The following SPTLC2 variants were observed in gnomAD, a reference collection of about 807,000 sequenced individuals.
SPTLC2 encodes the protein serine palmitoyltransferase long chain base subunit 2, also known as serine palmitoyltransferase 2.
Under a neutral mutation model 62.0 loss-of-function variants are expected in SPTLC2, and 21 were observed. The ratio of observed to expected loss-of-function variants is 0.34; its 90% CI spans 0.24 to 0.49. The LOEUF is 0.49. Among genes scored for constraint, SPTLC2 ranks in the 20% least tolerant of loss-of-function variants. The pLI, the probability that SPTLC2 is intolerant of heterozygous loss-of-function variation, is 0.99. For missense variants in SPTLC2, 511 were observed against 713.0 expected, an observed-to-expected ratio of 0.72 and a Z score of 3.23; for synonymous variants, 261 against 261.8, an observed-to-expected ratio of 1.00 and a Z score of 0.03.
chr14:77,534,019 GTGGTGACGCACGCC>G (rs2079454729), intron 9 of SPTLC2, among the ~76,000 whole-genome samples: 1 of 152,066 alleles, frequency 6.6e-6, no homozygotes, highest in Non-Finnish European at 1.5e-5. Context: ...ATTACCAGGT[GTGGTGACGCACGCC>G]TGTGGTCCCA....
In SPTLC2 at chr14:77,600,856, A is replaced by C. The variant is rs572689573; in HGVS notation, c.133-3476T>G. Among the ~76,000 whole-genome samples the C allele has an allele frequency of 3.3e-5, 5 of 152,282 alleles. No individual in the cohort carries two copies. The East Asian group carries it at 9.7e-4, about 29-fold the overall frequency. ...CATAAAACACATTACAGAACAAGAG[A>C]AGGAAAAAAAATCAATCTAATGGGC... On this transcript the variant is annotated intron_variant, in intron 1 of 11. Coordinates refer to ENST00000216484, the MANE Select transcript of SPTLC2 (RefSeq NM_004863.4).
chr14:77,616,575 C>A lies in SPTLC2; in HGVS notation c.5G>T (p.Arg2Leu). 1 of 1,538,414 alleles carries A rather than the reference C, an allele frequency of 6.5e-7. No individual in the cohort carries two copies. ...GCAGCAGCAGCCTCCGGGCTCCGGC[C>A]GCATCTTCCTGGCAGCACCAGGCGC... The part of the protein sequence containing the change: M[R>L]PEPGGCCCRR... The change falls in exon 1 of 12, where the codon CGG becomes CTG. Residue 2 changes from arginine (R) to leucine (L), a missense_variant. Physicochemically the swap from Arg to Leu is moderately radical, Grantham distance 102. Transcript: ENST00000216484.
chr14:77,564,580 C>T (rs1026772770), intron 5 of SPTLC2, among the ~76,000 whole-genome samples: 1 of 151,856 alleles, frequency 6.6e-6, no homozygotes, highest in African/African-American at 2.4e-5. Context: ...TTCTAAATAT[C>T]ATTCTCCAAA....
intron 5 of SPTLC2, among the ~76,000 whole-genome samples, chr14:77,569,054 T>G (rs2140032670): frequency 6.6e-6 from 1 of 152,292 alleles, no homozygotes; most frequent in African/African-American, 2.4e-5. Context: ...ATAAATGGGA[T>G]AAGCACCTAC....
chr14:77,546,498 A>G (rs897585841), intron 9 of SPTLC2, among the ~76,000 whole-genome samples: 2 of 152,158 alleles, frequency 1.3e-5, no homozygotes, highest in Non-Finnish European at 2.9e-5. Flanking sequence ...GGAGTGAGTG[A>G]AGGAGGAGGT....
intron 1 of SPTLC2, among the ~76,000 whole-genome samples, chr14:77,605,966 GC>G (rs2079902669): frequency 6.6e-6 from 1 of 152,202 alleles, no homozygotes; most frequent in Admixed American, 6.5e-5. Flanking sequence ...CATTGTATCT[GC>G]CTAAGACTGC....
At chr14:77,586,411 C>T (rs2079781869) in intron 2 of SPTLC2, among the ~76,000 whole-genome samples, 1 of 152,112 alleles carries the variant, frequency 6.6e-6, no homozygotes, top group Non-Finnish European at 1.5e-5. Flanking sequence ...TATAGACTTT[C>T]CATGTGACCC....
intron 6 of SPTLC2, among the ~76,000 whole-genome samples, chr14:77,559,866 G>C (rs1422066641): frequency 6.6e-6 from 1 of 152,078 alleles, no homozygotes; most frequent in Non-Finnish European, 1.5e-5. Flanking sequence ...ACTCCAGCCT[G>C]GGTGATGCAG....
chr14:77,534,214 A>G lies in SPTLC2; in HGVS notation c.1304-12633T>C, dbSNP rs56285762. 1.9e-4 allele frequency among the ~76,000 whole-genome samples: 27 copies of G among 139,476 alleles called. 1 individual carries two copies. Among genetic ancestry groups the G allele is most frequent in the Non-Finnish European group, 1.6e-5 (1 of 62,974 alleles). The allele number at this position is 139,476 out of a possible 152,430, so 91.5% of individuals were successfully genotyped here. On this transcript the variant is annotated intron_variant, in intron 9 of 11. Transcript: ENST00000216484. ...CACACACACACACACACACACACAC[A>G]CACACAAATGCATATCTATAAAAAG...
intron 11 of SPTLC2, 120 bp from the exon 12 acceptor site, chr14:77,512,523 G>T: frequency 6.8e-7 from 1 of 1,460,342 alleles, no homozygotes; most frequent in Non-Finnish European, 9.5e-7. Context: ...CTTATGTCTA[G>T]TGCATTTACA....
At chr14:77,613,033 A>T (rs1331402259) in intron 1 of SPTLC2, among the ~76,000 whole-genome samples, 1 of 151,536 alleles carries the variant, frequency 6.6e-6, no homozygotes, top group Admixed American at 6.6e-5. Context: ...AAGCTCTTTT[A>T]AAAAGAGCTG....
At chr14:77,601,390 G>A (rs370612569) in intron 1 of SPTLC2, among the ~76,000 whole-genome samples, 7 of 152,048 alleles carry the variant, frequency 4.6e-5, no homozygotes, top group Admixed American at 2.0e-4. Flanking sequence ...AGATCCACCC[G>A]CTGCCTGCAA....
intron 9 of SPTLC2, 106 bp from the exon 10 acceptor site, chr14:77,521,687 G>A (rs138721344): frequency 2.6e-4 from 275 of 1,048,738 alleles, no homozygotes; most frequent in East Asian, 4.6e-4. Context: ...GTTCTGTTTC[G>A]TTTTTTTCCA....
intron 5 of SPTLC2, among the ~76,000 whole-genome samples, chr14:77,566,664 G>A (rs1160622123): frequency 6.6e-6 from 1 of 152,154 alleles, no homozygotes; most frequent in African/African-American, 2.4e-5. Flanking sequence ...GTTTCACCGT[G>A]TTAGCCAGGA....
At chr14:77,552,482 C>A (rs1187433204) in intron 8 of SPTLC2, among the ~76,000 whole-genome samples, 6 of 152,002 alleles carry the variant, frequency 3.9e-5, no homozygotes, top group Non-Finnish European at 7.4e-5. Flanking sequence ...TTAAAACAAC[C>A]CCTCTAAATT....
intron 1 of SPTLC2, among the ~76,000 whole-genome samples, chr14:77,614,298 T>C (rs1191605460): frequency 7.2e-5 from 11 of 152,224 alleles, no homozygotes; most frequent in Non-Finnish European, 1.6e-4. Flanking sequence ...CTCATAGGGA[T>C]TGAAAGAAGC....
At chr14:77,525,324 G>A (rs1276556363) in intron 9 of SPTLC2, among the ~76,000 whole-genome samples, 1 of 151,974 alleles carries the variant, frequency 6.6e-6, no homozygotes, top group Admixed American at 6.6e-5. Context: ...AGGCACGGTG[G>A]CTCACGCCTG....
intron 2 of SPTLC2, among the ~76,000 whole-genome samples, chr14:77,596,737 T>C (rs1488099144): frequency 6.6e-6 from 1 of 152,248 alleles, no homozygotes; most frequent in Admixed American, 6.5e-5. Flanking sequence ...CAACTATGTA[T>C]AATGTATCTA....
chr14:77,533,492 G>C (rs563615279), intron 9 of SPTLC2, among the ~76,000 whole-genome samples: 1 of 152,106 alleles, frequency 6.6e-6, no homozygotes, highest in African/African-American at 2.4e-5. Flanking sequence ...TACCAAATTA[G>C]AATGTTTTGA....
Sources: gnomAD v4.1 joint callset for allele counts (sites outside exome capture counted in the v4.1 genomes callset) on GRCh38, gnomAD v4.1.1 for gene constraint, MANE v1.5 for transcripts, NCBI Gene and HGNC (gene_info 2026-07-23, HGNC 2026-07-21) for gene names.